The following DACH1 variants were observed in gnomAD, a reference collection of about 807,000 sequenced individuals.
DACH1 encodes the protein dachshund family transcription factor 1.
Under a neutral mutation model 54.2 loss-of-function variants are expected in DACH1, and 12 were observed. That is an observed-to-expected ratio of 0.22 (90% CI 0.14 to 0.36). The LOEUF (loss-of-function observed/expected upper bound fraction) is 0.36, where lower values mean the gene tolerates loss of function less well. DACH1 is among the 10% of genes least tolerant of loss of function. The pLI, the probability that DACH1 is intolerant of heterozygous loss-of-function variation, is 1.00. For missense variants in DACH1, 805 were observed against 929.8 expected, an observed-to-expected ratio of 0.87 and a Z score of 1.75; for synonymous variants, 386 against 366.2, an observed-to-expected ratio of 1.05 and a Z score of -0.62.
At chr13:71,817,277 G>C (rs1395727092) in intron 1 of DACH1, among the ~76,000 whole-genome samples, 1 of 152,188 alleles carries the variant, frequency 6.6e-6, no homozygotes, top group Non-Finnish European at 1.5e-5. Flanking sequence ...AAGTCATAGA[G>C]TTGTGGATGG....
At chr13:71,470,679 C>T (rs1051417051) in intron 10 of DACH1, among the ~76,000 whole-genome samples, 1 of 152,116 alleles carries the variant, frequency 6.6e-6, no homozygotes, top group Admixed American at 6.6e-5. Flanking sequence ...GTCTCTTCAA[C>T]CAAAGTCTGA....
At chr13:71,505,883 T>C (rs942125279) in intron 6 of DACH1, among the ~76,000 whole-genome samples, 1 of 152,108 alleles carries the variant, frequency 6.6e-6, no homozygotes, top group African/African-American at 2.4e-5. Context: ...GCAATTTCCA[T>C]AAATGACTTA....
At chr13:71,798,323 CATATATATATATATATATATATAT>C (rs35310464) in intron 1 of DACH1, among the ~76,000 whole-genome samples, 19 of 96,502 alleles carry the variant, frequency 2.0e-4, no homozygotes, top group African/African-American at 4.1e-4. Flanking sequence ...TTGTTACATA[CATATATATATATATATATATATAT>C]ATATATATAT....
At chr13:71,492,080 T>G (rs1432665603) in intron 6 of DACH1, among the ~76,000 whole-genome samples, 1 of 152,166 alleles carries the variant, frequency 6.6e-6, no homozygotes, top group Non-Finnish European at 1.5e-5. Context: ...ACAATGTAAT[T>G]TCTTGTTTTT....
chr13:71,525,618 G>T (rs1593836216), intron 6 of DACH1, among the ~76,000 whole-genome samples: 1 of 152,066 alleles, frequency 6.6e-6, no homozygotes, highest in Non-Finnish European at 1.5e-5. Flanking sequence ...AAAATAATAA[G>T]TGTTGTGGAC....
chr13:71,735,612 CGTGTATATGGCATAT>C (rs1214239271), intron 1 of DACH1, among the ~76,000 whole-genome samples: 6 of 148,724 alleles, frequency 4.0e-5, no homozygotes, highest in African/African-American at 1.2e-4. Flanking sequence ...ATGGGATATA[CGTGTATATGGCATAT>C]GTGTATATGG....
At chr13:71,660,489 A>C (rs569586722) in intron 2 of DACH1, among the ~76,000 whole-genome samples, 29 of 152,214 alleles carry the variant, frequency 1.9e-4, no homozygotes, top group African/African-American at 6.5e-4. Flanking sequence ...TAAAGTAAGC[A>C]AATGTATTGG....
At chr13:71,492,763 GTGTA>G (rs1566294146) in intron 6 of DACH1, among the ~76,000 whole-genome samples, 2 of 151,284 alleles carry the variant, frequency 1.3e-5, no homozygotes, top group East Asian at 1.9e-4. Flanking sequence ...GTGTGTGTGA[GTGTA>G]TGTGTGTGTG....
At chr13:71,675,861 A>G (rs1320003480) in intron 2 of DACH1, among the ~76,000 whole-genome samples, 1 of 152,108 alleles carries the variant, frequency 6.6e-6, no homozygotes, top group African/African-American at 2.4e-5. Flanking sequence ...TGTTTGTAGC[A>G]TTTTTATCAT....
At chr13:71,832,602 A>T (rs1594276824) in intron 1 of DACH1, among the ~76,000 whole-genome samples, 3 of 152,104 alleles carry the variant, frequency 2.0e-5, no homozygotes, top group Admixed American at 2.0e-4. Flanking sequence ...CTTAAAAATC[A>T]AGTAGATCAT....
chr13:71,667,904 T>C (rs1318359648), intron 2 of DACH1, among the ~76,000 whole-genome samples: 1 of 152,100 alleles, frequency 6.6e-6, no homozygotes, highest in African/African-American at 2.4e-5. Context: ...CATGGTTCCA[T>C]GGAATCCTAC....
At chr13:71,839,018 A>G (rs1888911011) in intron 1 of DACH1, among the ~76,000 whole-genome samples, 1 of 152,240 alleles carries the variant, frequency 6.6e-6, no homozygotes, top group South Asian at 2.1e-4. Flanking sequence ...ATCAAACACA[A>G]TAAAGGTATT....
intron 1 of DACH1, among the ~76,000 whole-genome samples, chr13:71,791,647 G>A (rs1019481934): frequency 3.5e-4 from 53 of 152,174 alleles, no homozygotes; most frequent in Non-Finnish European, 8.8e-5. Flanking sequence ...GCCTCCCAAA[G>A]TGCTGGGATT....
intron 1 of DACH1, among the ~76,000 whole-genome samples, chr13:71,785,270 A>T (rs1886545203): frequency 6.6e-6 from 1 of 152,146 alleles, no homozygotes; most frequent in African/African-American, 2.4e-5. Flanking sequence ...GAACAAAGTT[A>T]CATAAGTGTG....
At chr13:71,784,326 G>A (rs1886505796) in intron 1 of DACH1, among the ~76,000 whole-genome samples, 2 of 152,034 alleles carry the variant, frequency 1.3e-5, no homozygotes, top group South Asian at 4.1e-4. Context: ...CAGAAAATGG[G>A]TAAATAATTA....
At position 71,562,158 on chromosome 13, in the gene DACH1, C is replaced by A. The variant is rs544261704; in HGVS notation, c.1300-2203G>T. On this transcript the variant is annotated intron_variant, in intron 4 of 10. Coordinates refer to ENST00000613252, the MANE Select transcript of DACH1 (RefSeq NM_080759.6). ...AGGCTTCTGTAAAAGACAATAAACT[C>A]CCACAGAAGGCAGACGTATTGTTAG... is the stretch of plus-strand genomic sequence containing the variant. Among the ~76,000 whole-genome samples the A allele has an allele frequency of 7.9e-5, 12 of 152,168 alleles. No homozygotes were observed. In the East Asian group the frequency reaches 2.3e-3, roughly 29 times the overall value.
chr13:71,851,695 A>G (rs1022290936), intron 1 of DACH1, among the ~76,000 whole-genome samples: 1 of 152,060 alleles, frequency 6.6e-6, no homozygotes, highest in Non-Finnish European at 1.5e-5. Context: ...CTCACATTCT[A>G]ACCCCCACCC....
chr13:71,774,471 C>T (rs1316466151), intron 1 of DACH1, among the ~76,000 whole-genome samples: 1 of 152,080 alleles, frequency 6.6e-6, no homozygotes, highest in Admixed American at 6.6e-5. Context: ...TGATGAAGTC[C>T]TGCCATCCCA....
chr13:71,841,277 TA>T (rs2138236088), intron 1 of DACH1, among the ~76,000 whole-genome samples: 1 of 152,262 alleles, frequency 6.6e-6, no homozygotes, highest in East Asian at 1.9e-4. Context: ...AAGAGAACTT[TA>T]AAAAATAATT....
Sources: allele counts gnomAD v4.1 joint callset (sites outside exome capture counted in the v4.1 genomes callset), GRCh38; gene constraint gnomAD v4.1.1; transcripts MANE v1.5; gene names NCBI Gene and HGNC (gene_info 2026-07-23, HGNC 2026-07-21).